The following LRIT1 variants were observed in gnomAD, a reference collection of about 807,000 sequenced individuals.
LRIT1 encodes the protein leucine-rich repeat, immunoglobulin-like domain and transmembrane domain-containing protein 1.
Under a neutral mutation model 24.0 loss-of-function variants are expected in LRIT1, and 23 were observed. That is an observed-to-expected ratio of 0.96 (90% CI 0.69 to 1.36). The LOEUF (loss-of-function observed/expected upper bound fraction) is 1.36, where lower values mean the gene tolerates loss of function less well. LRIT1 is among the 40% of genes most tolerant of loss of function. The pLI, the probability that LRIT1 is intolerant of heterozygous loss-of-function variation, is 0.00. For missense variants in LRIT1, 846 were observed against 806.3 expected (o/e 1.05, Z -0.60); for synonymous variants, 361 against 340.5 (o/e 1.06, Z -0.66).
At position 84,232,048 on chromosome 10, in the gene LRIT1, A is replaced by T. The variant is rs1286094280; in HGVS notation, c.1751T>A (p.Leu584Ter). 6.2e-7 allele frequency: 1 copy of T among 1,614,140 alleles called. No individual in the cohort carries two copies. The stretch of plus-strand genomic sequence containing the variant: ...GACACTGTGCCGGGACAGCTCCTCC[A>T]AGCCGTCCTCGCTGTAGCCCAGTCT... ...LERLGYSEDGLEELSRHSVSE... is the reference protein window; with the variant it reads ...LERLGYSEDG The change falls in exon 4 of 4, where the codon TTG becomes TAG. Residue 584 changes from leucine (L) to a stop codon, truncating the protein, a stop_gained. Transcript: ENST00000372105. LOFTEE classifies it high-confidence loss of function.
chr10:84,236,034 C>A (rs1842644569), intron 2 of LRIT1, among the ~76,000 whole-genome samples: 1 of 151,826 alleles, frequency 6.6e-6, no homozygotes, highest in Admixed American at 6.6e-5. Context: ...CGGTGGCTCA[C>A]ACCTGTAATC....
intron 1 of LRIT1, among the ~76,000 whole-genome samples, chr10:84,240,822 A>G (rs573204460): frequency 6.6e-6 from 1 of 152,142 alleles, no homozygotes; most frequent in Non-Finnish European, 1.5e-5. Flanking sequence ...GAGGAGGAAG[A>G]GAATGAGAGG....
At position 84,234,346 on chromosome 10, in the gene LRIT1, G is replaced by T. The variant is rs371492952; in HGVS notation, c.622C>A (p.Arg208=). 6.3e-7 allele frequency: 1 copy of T among 1,581,376 alleles called. No homozygotes were observed. The highest frequency in any genetic ancestry group is 8.6e-7 in the Non-Finnish European group (1 of 1,162,462). Residue 208 remains arginine, a synonymous_variant, in exon 3 of 4, where the codon CGA becomes AGA. Transcript: ENST00000372105. ...AAAAGATGAACCAGGTCATAGAGTC[G>T]GCAGTCACATGCCCAGGGGTTGTCC... The part of the protein sequence containing the change: ...LQDNPWACDC[R]LYDLVHLLDG...
Position 84,234,365 on chromosome 10 carries a change from G to A in LRIT1, c.603C>T (p.Asn201=). 1 of 1,556,786 alleles carries A rather than the reference G, an allele frequency of 6.4e-7. No homozygotes were observed. The highest frequency in any genetic ancestry group is 8.7e-7 in the Non-Finnish European group (1 of 1,150,746). ...AGAGTCGGCAGTCACATGCCCAGGG[G>A]TTGTCCTGTAGCCCTGCAGGAGTAA... is the stretch of plus-strand genomic sequence containing the variant. ...HPRRVLGLQD[N]PWACDCRLYD... The change falls in exon 3 of 4, where the codon AAC becomes AAT. Residue 201 remains asparagine, a synonymous_variant. Coordinates refer to ENST00000372105, the MANE Select transcript of LRIT1 (RefSeq NM_015613.3).
Position 84,232,950 on chromosome 10 carries a change from C to T in LRIT1, c.896-47G>A, listed in dbSNP as rs770278771. 7.7e-6 allele frequency: 12 copies of T among 1,566,480 alleles called. No homozygotes were observed. In the East Asian group the frequency reaches 2.2e-4, roughly 29 times the overall value. ...GTGGGAGAACGAATGGGCCCATCTG[C>T]CCCAAGCTGCCTTTCAGGGCCAAGT... On this transcript the variant is annotated intron_variant, in intron 3 of 3. Transcript: ENST00000372105.
In LRIT1 at chr10:84,231,657, C is replaced by T. The variant is rs1842596881; in HGVS notation, c.*270G>A. 2.2e-6 allele frequency: 1 copy of T among 459,318 alleles called. No homozygotes were observed. The highest frequency in any genetic ancestry group is 3.8e-5 in the East Asian group (1 of 26,258). 28.5% of individuals were successfully genotyped at this position (459,318 alleles called of 1,614,324 possible). ...TGACTGATACAGGCAAGTTTCTTAA[C>T]CCCCCACCCCAGGGAAATGGAGAGA... On this transcript the variant is annotated 3_prime_UTR_variant, in exon 4 of 4. Transcript: ENST00000372105.
At chr10:84,235,080 T>C (rs1842637113) in intron 2 of LRIT1, among the ~76,000 whole-genome samples, 1 of 152,214 alleles carries the variant, frequency 6.6e-6, no homozygotes, top group African/African-American at 2.4e-5. Context: ...TTCCTTCTTA[T>C]AGGGTTGCAT....
At chr10:84,239,127 C>T (rs974230369) in intron 1 of LRIT1, among the ~76,000 whole-genome samples, 4 of 152,168 alleles carry the variant, frequency 2.6e-5, no homozygotes, top group Non-Finnish European at 2.9e-5. Flanking sequence ...ACAAACAGCA[C>T]GGATATTCTT....
chr10:84,237,647 C>G lies in LRIT1; in HGVS notation c.162G>C (p.Pro54=), dbSNP rs1190196971. The part of the protein sequence containing the change: ...VCNDPDMTLP[P]ASIPPDTSRL... The stretch of plus-strand genomic sequence containing the variant: ...TGGAGGTGTCCGGGGGGATGGACGC[C>G]GGGGGCAGGGTCATGTCGGGGTCGT... Residue 54 remains proline (P), a synonymous_variant, in exon 2 of 4, where the codon CCG becomes CCC. Coordinates refer to ENST00000372105, the MANE Select transcript of LRIT1 (RefSeq NM_015613.3). 6.2e-7 allele frequency: 1 copy of G among 1,605,144 alleles called. No homozygotes were observed. Among genetic ancestry groups the G allele is most frequent in the Non-Finnish European group, 8.5e-7 (1 of 1,178,596 alleles).
chr10:84,232,991 G>A, intron 3 of LRIT1, 88 bp from the exon 4 acceptor site: 41 of 1,417,562 alleles, frequency 2.9e-5, no homozygotes, highest in Non-Finnish European at 3.4e-5. Flanking sequence ...GCCCCAGGTG[G>A]TACACACTCA....
At chr10:84,235,934 T>C (rs1589323151) in intron 2 of LRIT1, among the ~76,000 whole-genome samples, 1 of 151,374 alleles carries the variant, frequency 6.6e-6, no homozygotes, top group Middle Eastern at 3.4e-3. Context: ...AAATGTCTAA[T>C]ATGCACACTC....
At position 84,234,359 on chromosome 10, in the gene LRIT1, C is replaced by T. The variant is rs201482815; in HGVS notation, c.609G>A (p.Trp203Ter). Residue 203 changes from tryptophan (W) to a stop codon, truncating the protein, a stop_gained, in exon 3 of 4, where the codon TGG (tryptophan) becomes TGA (stop). Transcript: ENST00000372105. LOFTEE classifies it high-confidence loss of function. ...RRVLGLQDNP[W>*]ACDCRLYDLV... ...GGTCATAGAGTCGGCAGTCACATGC[C>T]CAGGGGTTGTCCTGTAGCCCTGCAG... The T allele has an allele frequency of 1.1e-4, 180 of 1,566,736 alleles. 1 individual carries two copies. The Admixed American group carries it at 1.2e-3, about 11-fold the overall frequency.
At position 84,232,633 on chromosome 10, in the gene LRIT1, G is replaced by C; in HGVS notation, c.1166C>G (p.Pro389Arg). The change falls in exon 4 of 4, where the codon CCC (proline) becomes CGC (arginine). Residue 389 changes from proline (P) to arginine (R), a missense_variant. Pro to Arg is a moderately radical substitution (Grantham distance 103, BLOSUM62 -2). Transcript: ENST00000372105. ...AGAGGGTCCAGTGGCCAGGACAGCG[G>C]GTTTGGGAATCTGGGGGACATGCCT... ...VARHVPQIPK[P>R]AVLATGPSVP... 2 of 1,613,716 alleles carry C rather than the reference G, an allele frequency of 1.2e-6. No homozygotes were observed. The highest frequency in any genetic ancestry group is 1.7e-6 in the Non-Finnish European group (2 of 1,179,654).
chr10:84,232,981 GC>G (rs1161133849), intron 3 of LRIT1, 78 bp from the exon 4 acceptor site: 3 of 1,478,390 alleles, frequency 2.0e-6, no homozygotes, highest in Admixed American at 1.9e-5. Context: ...CAAGTTCACA[GC>G]CCCAGGTGGT....
chr10:84,231,800 T>G lies in LRIT1; in HGVS notation c.*127A>C. ...GTTGCAGTAGCAGCTGCTGCTGCTGTTGTTGTGTGTAAGTATCTGAGTAAG... is the reference window on the plus strand; with the variant it reads ...GTTGCAGTAGCAGCTGCTGCTGCTGGTGTTGTGTGTAAGTATCTGAGTAAG... On this transcript the variant is annotated 3_prime_UTR_variant, in exon 4 of 4. Transcript: ENST00000372105. 5 of 984,482 alleles carry G rather than the reference T, an allele frequency of 5.1e-6. No homozygotes were observed. Among genetic ancestry groups the G allele is most frequent in the Non-Finnish European group, 5.9e-6 (4 of 681,154 alleles). 61.0% of individuals were successfully genotyped at this position (984,482 alleles called of 1,614,324 possible). A position where few individuals can be genotyped will look rare whatever the true frequency, so the allele number is the denominator to read the frequency against.
rs373745678 is a variant in LRIT1, at chr10:84,232,923, G to A, written c.896-20C>T. On this transcript the variant is annotated intron_variant, in intron 3 of 3. Coordinates refer to ENST00000372105, the MANE Select transcript of LRIT1 (RefSeq NM_015613.3). ...GGTGCACTAGGAGGAAAACAGGCAT[G>A]TGTGGGAGAACGAATGGGCCCATCT... 243 of 1,600,338 alleles carry A rather than the reference G, an allele frequency of 1.5e-4. No homozygotes were observed. In the African/African-American group the frequency reaches 2.8e-3, roughly 18 times the overall value.
Position 84,237,530 on chromosome 10 carries a change from G to A in LRIT1, c.279C>T (p.Asn93=). 2.5e-6 allele frequency: 4 copies of A among 1,604,818 alleles called. No homozygotes were observed. The highest frequency in any genetic ancestry group is 2.5e-6 in the Non-Finnish European group (3 of 1,179,152). The change falls in exon 2 of 4, where the codon AAC becomes AAT. Residue 93 remains asparagine (N), a synonymous_variant. Transcript: ENST00000372105. The part of the protein sequence containing the change: ...GRLEQLWLPY[N]ALSELNALML... ...TGAGGGCGTTGAGCTCGCTGAGGGC[G>A]TTGTAAGGCAGCCACAGCTGCTCCA...
rs771844038 is a variant in LRIT1, at chr10:84,232,514, G to A, written c.1285C>T (p.Arg429Ter). Residue 429 changes from arginine (R) to a stop codon, truncating the protein, a stop_gained, in exon 4 of 4, where the codon CGA (arginine) becomes TGA (stop). Transcript: ENST00000372105. LOFTEE classifies it low-confidence loss of function (END_TRUNC). ...SDGRAGPSEA[R>*]MVRSVKVVGD... ...ACCACCTTCACAGACCTCACCATTC[G>A]TGCCTCTGAGGGTCCTGCCCGCCCA... 16 of 1,614,018 alleles carry A rather than the reference G, an allele frequency of 9.9e-6. No individual in the cohort carries two copies. The highest frequency in any genetic ancestry group is 1.7e-5 in the Admixed American group (1 of 60,012).
chr10:84,233,346 AT>A (rs35083855), intron 3 of LRIT1, among the ~76,000 whole-genome samples: 8,684 of 150,392 alleles, frequency 0.058, 318 homozygotes, highest in East Asian at 0.14. Flanking sequence ...ATATATATAT[AT>A]TTTTTTTTGC....
Sources: gnomAD v4.1 joint callset for allele counts (sites outside exome capture counted in the v4.1 genomes callset) on GRCh38, gnomAD v4.1.1 for gene constraint, MANE v1.5 for transcripts, NCBI Gene and HGNC (gene_info 2026-07-23, HGNC 2026-07-21) for gene names.